AUTS2: variants seen among roughly 807,000 people sequenced by gnomAD.
The protein encoded by AUTS2 is autism susceptibility gene 2 protein.
AUTS2 carries 17 observed loss-of-function variants against 112.4 expected under a neutral mutation model. The observed-to-expected ratio is 0.15, with a 90% confidence interval of 0.10 to 0.23. AUTS2 has a LOEUF of 0.23. Ranked by LOEUF, AUTS2 falls within the 10% of genes least tolerant of loss-of-function variation. AUTS2 has a pLI of 1.00. For synonymous variants in AUTS2, 751 were observed against 702.7 expected (o/e 1.07, Z -1.09); for missense variants, 1,510 against 1,701.6 (o/e 0.89, Z 1.98).
At chr7:70,737,671 A>G (rs1787851473) in intron 6 of AUTS2, among the ~76,000 whole-genome samples, 1 of 152,064 alleles carries the variant, frequency 6.6e-6, no homozygotes, top group South Asian at 2.1e-4. Context: ...ACTGACATGC[A>G]TTTTTCTTTA....
At chr7:70,394,188 C>T (rs1474137215) in intron 4 of AUTS2, among the ~76,000 whole-genome samples, 1 of 152,172 alleles carries the variant, frequency 6.6e-6, no homozygotes, top group Non-Finnish European at 1.5e-5. Flanking sequence ...CAGGCCAAGC[C>T]TCTTTGGTAC....
intron 4 of AUTS2, among the ~76,000 whole-genome samples, chr7:70,393,695 C>G (rs1209702577): frequency 6.6e-6 from 1 of 152,164 alleles, no homozygotes; most frequent in Non-Finnish European, 1.5e-5. Context: ...CCAAAGCATG[C>G]AGCTGATATG....
chr7:70,021,816 A>C (rs534267577), intron 2 of AUTS2, among the ~76,000 whole-genome samples: 1 of 152,216 alleles, frequency 6.6e-6, no homozygotes, highest in African/African-American at 2.4e-5. Context: ...ATTGCTTTGA[A>C]TCTCCTTTAG....
intron 4 of AUTS2, among the ~76,000 whole-genome samples, chr7:70,287,950 A>C (rs1199008486): frequency 6.6e-6 from 1 of 152,150 alleles, no homozygotes; most frequent in East Asian, 1.9e-4. Flanking sequence ...TTGATCTTAG[A>C]TATTCCCCCA....
At chr7:70,165,346 A>G (rs1364716937) in intron 4 of AUTS2, among the ~76,000 whole-genome samples, 3 of 152,212 alleles carry the variant, frequency 2.0e-5, no homozygotes, top group South Asian at 4.1e-4. Context: ...GAAGAAAAGC[A>G]TACCTACGTA....
At chr7:70,496,139 ACACCC>A (rs1798482086) in intron 5 of AUTS2, among the ~76,000 whole-genome samples, 2 of 130,700 alleles carry the variant, frequency 1.5e-5, no homozygotes, top group Admixed American at 7.9e-5. Flanking sequence ...CATCGATCAC[ACACCC>A]CACTCACACA....
At chr7:69,668,887 A>G (rs748314390) in intron 1 of AUTS2, among the ~76,000 whole-genome samples, 11 of 151,392 alleles carry the variant, frequency 7.3e-5, no homozygotes, top group Non-Finnish European at 1.6e-4. Context: ...AGAACCTGTC[A>G]TTTTTTTTTC....
chr7:70,175,579 G>T (rs964795891), intron 4 of AUTS2, among the ~76,000 whole-genome samples: 3 of 152,110 alleles, frequency 2.0e-5, no homozygotes, highest in Non-Finnish European at 4.4e-5. Flanking sequence ...GTGTCTTACT[G>T]CAAGAAATTG....
intron 6 of AUTS2, among the ~76,000 whole-genome samples, chr7:70,714,991 C>G (rs1810276790): frequency 6.6e-6 from 1 of 152,158 alleles, no homozygotes. Context: ...TGATGCTTGC[C>G]TGATGCAGTA....
At chr7:70,751,881 A>G (rs1305389726) in intron 6 of AUTS2, among the ~76,000 whole-genome samples, 1 of 143,822 alleles carries the variant, frequency 7.0e-6, no homozygotes, top group Non-Finnish European at 1.5e-5. Flanking sequence ...ACACCACACC[A>G]CCTAATTTTT....
chr7:70,739,452 T>C (rs1232686231), intron 6 of AUTS2, among the ~76,000 whole-genome samples: 1 of 151,064 alleles, frequency 6.6e-6, no homozygotes, highest in African/African-American at 2.4e-5. Context: ...AATGCTGATA[T>C]TACAGGCATG....
intron 2 of AUTS2, among the ~76,000 whole-genome samples, chr7:69,963,856 T>C (rs1190698628): frequency 6.6e-6 from 1 of 152,112 alleles, no homozygotes; most frequent in Non-Finnish European, 1.5e-5. Context: ...GAGTGATGCA[T>C]TGTACTCTCT....
chr7:70,138,014 G>T (rs1388677819), intron 4 of AUTS2, among the ~76,000 whole-genome samples: 1 of 152,134 alleles, frequency 6.6e-6, no homozygotes, highest in Non-Finnish European at 1.5e-5. Flanking sequence ...GACGATGTTG[G>T]AATGAACTGT....
At chr7:70,284,137 A>T (rs1227312593) in intron 4 of AUTS2, among the ~76,000 whole-genome samples, 2 of 152,218 alleles carry the variant, frequency 1.3e-5, no homozygotes, top group Non-Finnish European at 2.9e-5. Context: ...TGGATGTCAT[A>T]TATTAAGTTC....
chr7:69,975,869 G>A (rs1483318496), intron 2 of AUTS2, among the ~76,000 whole-genome samples: 1 of 151,760 alleles, frequency 6.6e-6, no homozygotes, highest in African/African-American at 2.4e-5. Context: ...TGTATTTTTA[G>A]TAGAGACAGG....
chr7:69,603,574 C>T (rs1312821690), intron 1 of AUTS2, among the ~76,000 whole-genome samples: 1 of 152,164 alleles, frequency 6.6e-6, no homozygotes, highest in East Asian at 1.9e-4. Flanking sequence ...AGGGACACTT[C>T]TCTTGAGTAA....
At chr7:70,591,871 C>G (rs1020465949) in intron 5 of AUTS2, among the ~76,000 whole-genome samples, 1 of 152,174 alleles carries the variant, frequency 6.6e-6, no homozygotes, top group Non-Finnish European at 1.5e-5. Context: ...GCAGTTGGCA[C>G]GGCTCTCCAA....
chr7:69,967,056 G>A (rs1020047923), intron 2 of AUTS2, among the ~76,000 whole-genome samples: 3 of 152,036 alleles, frequency 2.0e-5, no homozygotes, highest in African/African-American at 7.2e-5. Flanking sequence ...AACTTAAGAT[G>A]GATTCTTATT....
chr7:70,225,546 T>C (rs1182354832), intron 4 of AUTS2, among the ~76,000 whole-genome samples: 1 of 152,156 alleles, frequency 6.6e-6, no homozygotes, highest in African/African-American at 2.4e-5. Flanking sequence ...TTCTACAAGA[T>C]GGCTGCCACT....
Sources: gnomAD v4.1 joint callset for allele counts (sites outside exome capture counted in the v4.1 genomes callset) on GRCh38, gnomAD v4.1.1 for gene constraint, MANE v1.5 for transcripts, NCBI Gene and HGNC (gene_info 2026-07-23, HGNC 2026-07-21) for gene names.